The following RNF14 variants were observed in gnomAD, a reference collection of about 807,000 sequenced individuals.
The protein encoded by RNF14 is ring finger protein 14.
RNF14 carries 26 observed loss-of-function variants against 52.6 expected under a neutral mutation model. The ratio of observed to expected loss-of-function variants is 0.49; its 90% confidence interval spans 0.36 to 0.69. The LOEUF is 0.69. RNF14 is among the 30% of genes least tolerant of loss of function. The pLI, the probability that RNF14 is intolerant of heterozygous loss-of-function variation, is 0.00. For synonymous variants in RNF14, 194 were observed against 202.0 expected (o/e 0.96, Z 0.34); for missense variants, 404 against 560.4 (o/e 0.72, Z 2.82).
At position 141,974,669 on chromosome 5, in the gene RNF14, G is replaced by C. The variant is rs1754086642; in HGVS notation, c.155-135G>C. The stretch of plus-strand genomic sequence containing the variant: ...GTGGTGGCTACGAAGTTAAAATTAA[G>C]AAATAGAAAGTGCTTTGGGGGAGGG... On this transcript the variant is annotated intron_variant, in intron 3 of 8. Coordinates refer to ENST00000394520, the MANE Select transcript of RNF14 (RefSeq NM_004290.5). 7 of 778,000 alleles carry C rather than the reference G, an allele frequency of 9.0e-6. No homozygotes were observed. In the South Asian group the frequency reaches 1.4e-4, roughly 15 times the overall value. 48.2% of individuals were successfully genotyped at this position (778,000 alleles called of 1,614,324 possible).
chr5:141,955,702 A>G (rs768658215), upstream of RNF14: 1 of 1,614,168 alleles, frequency 6.2e-7, no homozygotes, highest in Non-Finnish European at 8.5e-7. This position sits in a 1 kb window ranked among gnomAD's most constrained non-coding sequence, Gnocchi z 5.5. Flanking sequence ...GATCACCGTC[A>G]GCATCGACAT....
chr5:141,951,467 G>A, the RNF14 span: 1 of 1,573,654 alleles, frequency 6.4e-7, no homozygotes, highest in Middle Eastern at 1.7e-4. Flanking sequence ...GCCTTGAGAT[G>A]CCTGTGGGGG....
upstream of RNF14, chr5:141,954,913 G>T: frequency 6.5e-7 from 1 of 1,546,984 alleles, no homozygotes; most frequent in Non-Finnish European, 8.7e-7. Context: ...GGGGGTGTCT[G>T]ATTCTGTTTC....
rs1755097272 is a variant in RNF14 at position 141,984,836 on chromosome 5, G to A, written c.1270G>A (p.Gly424Ser). ...CGGATGTAACAAGATGACATGTACT[G>A]GCTGTATGCAATATTTCTGTTGGAT... ...LDGCNKMTCTGCMQYFCWICM... is the reference protein window; with the variant it reads ...LDGCNKMTCTSCMQYFCWICM... Residue 424 changes from glycine to serine, a missense_variant, in exon 8 of 9, where the codon GGC becomes AGC. By Grantham distance (56) the Gly-to-Ser change is moderately conservative. Transcript: ENST00000394520. The A allele has an allele frequency of 6.2e-7, 1 of 1,613,502 alleles. No individual in the cohort carries two copies. Among genetic ancestry groups the A allele is most frequent in the African/African-American group, 1.3e-5 (1 of 74,988 alleles).
rs545110749 is a variant in RNF14, at chr5:141,984,885, C to A, written c.1319C>A (p.Ala440Glu). The A allele has an allele frequency of 6.2e-7, 1 of 1,613,202 alleles. No homozygotes were observed. The highest frequency in any genetic ancestry group is 1.7e-5 in the Admixed American group (1 of 60,024). The change falls in exon 8 of 9, where the codon GCA (alanine) becomes GAA (glutamate). Residue 440 changes from alanine (A) to glutamate (E), a missense_variant. Physicochemically the swap from Ala to Glu is moderately radical, Grantham distance 107. Transcript: ENST00000394520. ...CWICMGSLSR[A>E]NPYKHFNDPG... is the part of the protein sequence containing the mutation. Reference sequence around the variant, plus strand: ...ATTTGCATGGGTTCTCTCTCTAGAGCAAACCCTTACAAACATTTCAATGAC... The same window carrying A: ...ATTTGCATGGGTTCTCTCTCTAGAGAAAACCCTTACAAACATTTCAATGAC...
chr5:141,956,941 A>T, upstream of RNF14: 3 of 1,614,128 alleles, frequency 1.9e-6, no homozygotes, highest in Non-Finnish European at 2.5e-6. Flanking sequence ...ACGCAGAATG[A>T]CCTGGCCTGT....
upstream of RNF14, among the ~76,000 whole-genome samples, chr5:141,963,634 C>T (rs540854247): frequency 6.6e-6 from 1 of 152,272 alleles, no homozygotes; most frequent in East Asian, 1.9e-4. Context: ...CATCCAGTCA[C>T]TCATTTATTT....
intron 8 of RNF14, among the ~76,000 whole-genome samples, chr5:141,985,148 AAC>A (rs34181518): frequency 0.87 from 133,036 of 152,134 alleles, 58,355 homozygotes; most frequent in East Asian, 0.98. Context: ...AAAGTTTTCA[AAC>A]ACAGAAAATT....
In RNF14 at chr5:141,972,314, C is replaced by T. The variant is rs548358332; in HGVS notation, c.-6-1269C>T. Among the ~76,000 whole-genome samples the T allele has an allele frequency of 4.0e-5, 6 of 151,874 alleles. No homozygotes were observed. The South Asian group carries it at 6.3e-4, about 16-fold the overall frequency. Reference sequence around the variant, plus strand: ...GTGCTATCATGGCTCACTGCAGCCTCGACCTCCCAGGCTCAAGTGATCCTC... The same window carrying T: ...GTGCTATCATGGCTCACTGCAGCCTTGACCTCCCAGGCTCAAGTGATCCTC... On this transcript the variant is annotated intron_variant, in intron 2 of 8. Transcript: ENST00000394520.
chr5:141,954,090 T>G (rs533362035), upstream of RNF14, among the ~76,000 whole-genome samples: 3 of 148,768 alleles, frequency 2.0e-5, no homozygotes, highest in Non-Finnish European at 3.0e-5. Context: ...ACAGGGTAAG[T>G]TTGGTCTCAT....
intron 4 of RNF14, 90 bp downstream of exon 4, chr5:141,975,045 G>C (rs1451285832): frequency 3.7e-6 from 5 of 1,367,334 alleles, no homozygotes; most frequent in Non-Finnish European, 5.1e-6. Flanking sequence ...CTTGAATTCA[G>C]TGCATGAAAA....
upstream of RNF14, chr5:141,969,017 G>C (rs922159494): frequency 3.3e-5 from 5 of 152,252 alleles, no homozygotes. Context: ...GCGCCCGAGA[G>C]GCAGGGGCGA....
chr5:141,951,574 AG>A, the RNF14 span: 1 of 1,614,134 alleles, frequency 6.2e-7, no homozygotes, highest in Middle Eastern at 1.6e-4. Context: ...CAGCAAGGAC[AG>A]CAGCTGGGAG....
intron 4 of RNF14, among the ~76,000 whole-genome samples, chr5:141,975,728 C>G (rs1219912960): frequency 6.6e-6 from 1 of 152,106 alleles, no homozygotes; most frequent in Non-Finnish European, 1.5e-5. Context: ...GACAAAAGCT[C>G]AGCCTGTGCA....
upstream of RNF14, among the ~76,000 whole-genome samples, chr5:141,962,091 A>G (rs1753279110): frequency 6.6e-6 from 1 of 152,182 alleles, no homozygotes; most frequent in African/African-American, 2.4e-5. Context: ...TGTTGAAGTT[A>G]GATTCCTAGT....
At chr5:141,964,396 G>T (rs1314122974), upstream of RNF14, among the ~76,000 whole-genome samples, 2 of 152,160 alleles carry the variant, frequency 1.3e-5, no homozygotes, top group Non-Finnish European at 2.9e-5. Context: ...TGTGACGATG[G>T]CAAGTCAATT....
rs1327553590 is a variant in RNF14 at position 141,989,351 on chromosome 5, T to A, written c.*1561T>A. The A allele has an allele frequency of 6.6e-6, 1 of 152,232 alleles. No homozygotes were observed. The highest frequency in any genetic ancestry group is 1.5e-5 in the Non-Finnish European group (1 of 68,028). 9.4% of individuals were successfully genotyped at this position (152,232 alleles called of 1,614,324 possible). ...TAGGTTTTAGGGCCCATATTTTGTT[T>A]AAACCAGATAGTTTCATGGTCTTCC... On this transcript the variant is annotated 3_prime_UTR_variant, in exon 9 of 9. Transcript: ENST00000394520.
chr5:141,952,923 C>T, the RNF14 span: 1 of 152,242 alleles, frequency 6.6e-6, no homozygotes, highest in African/African-American at 2.4e-5. Context: ...TAGGAAGTGT[C>T]AACCTCAGAG....
At position 141,988,095 on chromosome 5, in the gene RNF14, G is replaced by A; in HGVS notation, c.*305G>A. On this transcript the variant is annotated 3_prime_UTR_variant, in exon 9 of 9. Coordinates refer to ENST00000394520, the MANE Select transcript of RNF14 (RefSeq NM_004290.5). Reference sequence around the variant, plus strand: ...ATTAAATATTTATTTTCTTCCCCAAGCTTTAGGTAAGGAGAAGAGGGGTCA... The same window carrying A: ...ATTAAATATTTATTTTCTTCCCCAAACTTTAGGTAAGGAGAAGAGGGGTCA... 3.6e-6 allele frequency: 1 copy of A among 280,272 alleles called. No homozygotes were observed. Among genetic ancestry groups the A allele is most frequent in the South Asian group, 5.3e-5 (1 of 18,868 alleles). 17.4% of individuals were successfully genotyped at this position (280,272 alleles called of 1,614,324 possible). A position where few individuals can be genotyped will look rare whatever the true frequency, so the allele number is the denominator to read the frequency against.
Sources: gnomAD v4.1 joint callset for allele counts (sites outside exome capture counted in the v4.1 genomes callset) on GRCh38, gnomAD v4.1.1 for gene constraint, Gnocchi (gnomAD v3.1) non-coding constraint, MANE v1.5 for transcripts, NCBI Gene and HGNC (gene_info 2026-07-23, HGNC 2026-07-21) for gene names.